Variants in MKLN1 observed in about 807,000 individuals in gnomAD.
MKLN1 encodes muskelin 1.
In MKLN1, 18 loss-of-function variants were observed where a neutral mutation model predicts 99.0. The observed-to-expected ratio is 0.18, with a 90% CI of 0.13 to 0.27. MKLN1 has a LOEUF of 0.27. Ranked by LOEUF, MKLN1 falls within the 10% of genes least tolerant of loss-of-function variation. The pLI is 1.00. For missense variants in MKLN1, 621 were observed against 875.9 expected (o/e 0.71, Z 3.67); for synonymous variants, 288 against 293.2 (o/e 0.98, Z 0.18).
chr7:131,467,601 A>G lies in MKLN1; in HGVS notation c.1928+1186A>G, dbSNP rs541011625. 1.1e-4 allele frequency among the ~76,000 whole-genome samples: 17 copies of G among 152,274 alleles called. No homozygotes were observed. In the East Asian group the frequency reaches 3.1e-3, roughly 28 times the overall value. The stretch of plus-strand genomic sequence containing the variant: ...GTTAAAAAGATGCCTGAATAATTTG[A>G]GAAGTGAATTGAGAAGAAGTGTGGT... On this transcript the variant is annotated intron_variant, in intron 15 of 17. Coordinates refer to ENST00000352689, the MANE Select transcript of MKLN1 (RefSeq NM_013255.5).
intron 10 of MKLN1, among the ~76,000 whole-genome samples, chr7:131,440,268 C>T (rs1005169561): frequency 3.9e-5 from 6 of 152,104 alleles, no homozygotes; most frequent in Admixed American, 1.3e-4. Context: ...CAGTAAGAAA[C>T]CTGGGGAGCT....
chr7:131,183,346 AG>A (rs1300126301), intron 2 of MKLN1, among the ~76,000 whole-genome samples: 2 of 152,172 alleles, frequency 1.3e-5, no homozygotes, highest in African/African-American at 4.8e-5. Context: ...ACCTATACTC[AG>A]CTTGACGGGG....
chr7:131,489,101 C>T lies in MKLN1; in HGVS notation c.*1373C>T, dbSNP rs1207580948. ...TTAAGAGTGAATAGCTTTATGGAAT[C>T]AAGTATGTCCCTGAGTAGCAAGATT... On this transcript the variant is annotated 3_prime_UTR_variant, in exon 18 of 18. Coordinates refer to ENST00000352689, the MANE Select transcript of MKLN1 (RefSeq NM_013255.5). The T allele has an allele frequency of 6.6e-6, 1 of 152,110 alleles. No homozygotes were observed. Among genetic ancestry groups the T allele is most frequent in the Non-Finnish European group, 1.5e-5 (1 of 68,004 alleles). The allele number at this position is 152,110 out of a possible 1,614,324, so 9.4% of individuals were successfully genotyped here.
At chr7:131,179,621 C>A (rs985389656) in intron 2 of MKLN1, among the ~76,000 whole-genome samples, 4 of 152,064 alleles carry the variant, frequency 2.6e-5, no homozygotes, top group Non-Finnish European at 1.5e-5. Flanking sequence ...TGTCACCAGG[C>A]TGGAGTGCAG....
intron 3 of MKLN1, among the ~76,000 whole-genome samples, chr7:131,277,061 T>C (rs1307758179): frequency 2.0e-5 from 3 of 152,140 alleles, no homozygotes; most frequent in African/African-American, 7.2e-5. Flanking sequence ...TTGTACTCAA[T>C]GAAAGCTCAC....
intron 3 of MKLN1, among the ~76,000 whole-genome samples, chr7:131,319,565 T>C (rs1798733831): frequency 6.6e-6 from 1 of 152,146 alleles, no homozygotes; most frequent in Non-Finnish European, 1.5e-5. Flanking sequence ...ACCACTCCTA[T>C]TCAACATAGT....
intron 2 of MKLN1, among the ~76,000 whole-genome samples, chr7:131,177,118 C>T (rs1796310076): frequency 6.6e-6 from 1 of 152,136 alleles, no homozygotes; most frequent in South Asian, 2.1e-4. Flanking sequence ...TCTTTTGTAC[C>T]CTACACAATC....
chr7:131,187,002 G>A (rs1039822965), intron 2 of MKLN1, among the ~76,000 whole-genome samples: 4 of 152,184 alleles, frequency 2.6e-5, no homozygotes, highest in African/African-American at 9.6e-5. Context: ...TGCAGAGTTA[G>A]AGAGGCGTGA....
At chr7:131,327,731 G>A, upstream of MKLN1, 1 of 1,258,298 alleles carries the variant, frequency 7.9e-7, no homozygotes, top group Non-Finnish European at 1.1e-6. Context: ...GAGCGACGTG[G>A]GAAACCCTGA....
At chr7:131,156,447 C>CAAAAAAAA (rs143988738) in intron 2 of MKLN1, among the ~76,000 whole-genome samples, 141 of 74,562 alleles carry the variant, frequency 1.9e-3, no homozygotes, top group Non-Finnish European at 2.3e-3. Flanking sequence ...GACTCTGTCT[C>CAAAAAAAA]AAAAAAAAAA....
In MKLN1 at chr7:131,491,348, T is replaced by G. The variant is rs1416404253; in HGVS notation, c.*3620T>G. 2 of 152,132 alleles carry G rather than the reference T, an allele frequency of 1.3e-5. No homozygotes were observed. Among genetic ancestry groups the G allele is most frequent in the East Asian group, 3.8e-4 (2 of 5,198 alleles). 9.4% of individuals were successfully genotyped at this position (152,132 alleles called of 1,614,324 possible). A position where few individuals can be genotyped will look rare whatever the true frequency, so the allele number is the denominator to read the frequency against. The stretch of plus-strand genomic sequence containing the variant: ...TTGAATTCCTAAGGTAGCCCCGATC[T>G]AGGATGTGAAGGCTGCCCAGAAAAA... On this transcript the variant is annotated 3_prime_UTR_variant, in exon 18 of 18. Transcript: ENST00000352689.
At chr7:131,460,111 C>G (rs909190595) in intron 12 of MKLN1, among the ~76,000 whole-genome samples, 2 of 152,128 alleles carry the variant, frequency 1.3e-5, no homozygotes. Context: ...TTTATGGCAG[C>G]TTATTCTTGT....
chr7:131,169,229 C>G (rs1181546373), intron 2 of MKLN1, among the ~76,000 whole-genome samples: 1 of 152,192 alleles, frequency 6.6e-6, no homozygotes, highest in Non-Finnish European at 1.5e-5. Flanking sequence ...AGCCAATACA[C>G]TAACAAACAC....
intron 16 of MKLN1, among the ~76,000 whole-genome samples, chr7:131,474,219 C>G (rs554332177): frequency 1.3e-5 from 2 of 152,142 alleles, no homozygotes; most frequent in African/African-American, 4.8e-5. Context: ...AAAGATAGAA[C>G]CAACAGAATT....
chr7:131,399,529 T>C, intron 6 of MKLN1, 96 bp downstream of exon 6: 1 of 1,063,250 alleles, frequency 9.4e-7, no homozygotes, highest in South Asian at 1.6e-5. Context: ...ATTACTGTAA[T>C]TTTTTTTCTT....
chr7:131,142,403 T>C (rs144211395), intron 1 of MKLN1, among the ~76,000 whole-genome samples: 12,514 of 131,376 alleles, frequency 0.095, 685 homozygotes, highest in South Asian at 0.19. Flanking sequence ...AGAGCGAGAC[T>C]CCATTTCAAA....
At chr7:131,360,246 A>T (rs930737543) in intron 1 of MKLN1, among the ~76,000 whole-genome samples, 3 of 152,134 alleles carry the variant, frequency 2.0e-5, no homozygotes, top group Non-Finnish European at 4.4e-5. Context: ...CTACTCTAAC[A>T]GCCTGTCTTC....
At chr7:131,482,369 T>G (rs1247462084) in intron 17 of MKLN1, among the ~76,000 whole-genome samples, 1 of 152,174 alleles carries the variant, frequency 6.6e-6, no homozygotes, top group African/African-American at 2.4e-5. Context: ...TAATTTTTTT[T>G]TCCTTTTTTA....
chr7:131,330,261 T>C (rs1317011414), intron 1 of MKLN1, among the ~76,000 whole-genome samples: 2 of 152,230 alleles, frequency 1.3e-5, no homozygotes, highest in Non-Finnish European at 2.9e-5. Flanking sequence ...TTAAGGTACT[T>C]CTTAAACAGG....
Sources: allele counts gnomAD v4.1 joint callset (sites outside exome capture counted in the v4.1 genomes callset), GRCh38; gene constraint gnomAD v4.1.1; transcripts MANE v1.5; gene names NCBI Gene and HGNC (gene_info 2026-07-23, HGNC 2026-07-21).